The following HOMER1 variants were observed in gnomAD, a reference collection of about 807,000 sequenced individuals.
HOMER1 encodes homer scaffold protein 1.
HOMER1 carries 3 observed loss-of-function variants against 48.9 expected under a neutral mutation model. That is an observed-to-expected ratio of 0.06 (90% CI 0.03 to 0.16). The LOEUF is 0.16. HOMER1 is among the 10% of genes least tolerant of loss of function. The pLI, the probability that HOMER1 is intolerant of heterozygous loss-of-function variation, is 1.00. For synonymous variants in HOMER1, 134 were observed against 146.4 expected (o/e 0.92, Z 0.61); for missense variants, 247 against 411.4 (o/e 0.60, Z 3.46).
intron 1 of HOMER1, among the ~76,000 whole-genome samples, chr5:79,511,370 G>T (rs1752937256): frequency 6.6e-6 from 1 of 152,172 alleles, no homozygotes; most frequent in African/African-American, 2.4e-5. Context: ...CAGAAAGATC[G>T]ACTTGCAGAA....
intron 5 of HOMER1, among the ~76,000 whole-genome samples, chr5:79,434,813 T>C (rs1750529171): frequency 6.6e-6 from 1 of 152,198 alleles, no homozygotes; most frequent in Non-Finnish European, 1.5e-5. Flanking sequence ...TAAAATTTAG[T>C]TCAGCTGTAT....
intron 1 of HOMER1, among the ~76,000 whole-genome samples, chr5:79,493,677 C>T (rs1752349080): frequency 6.6e-6 from 1 of 152,192 alleles, no homozygotes; most frequent in Non-Finnish European, 1.5e-5. Flanking sequence ...TCCATCTGTG[C>T]TCCATATTGC....
Position 79,429,050 on chromosome 5 carries a change from T to C in HOMER1, c.527+9960A>G, listed in dbSNP as rs77815833. On this transcript the variant is annotated intron_variant, in intron 5 of 8. Transcript: ENST00000334082. ...GGATCATACTTCCCAATTTCAAACT[T>C]AACTACAAAGATACATTAATTAAGA... 6.1e-3 allele frequency among the ~76,000 whole-genome samples: 931 copies of C among 152,262 alleles called. 8 individuals are homozygous for C. The highest frequency in any genetic ancestry group is 0.021 in the African/African-American group (865 of 41,550).
intron 1 of HOMER1, among the ~76,000 whole-genome samples, chr5:79,473,742 T>C (rs1442630178): frequency 6.6e-6 from 1 of 152,150 alleles, no homozygotes; most frequent in African/African-American, 2.4e-5. Flanking sequence ...TAATACTAAT[T>C]AGAAAGGTAC....
At position 79,447,046 on chromosome 5, in the gene HOMER1, T is replaced by C; in HGVS notation, c.387+7A>G. 1.3e-6 allele frequency: 2 copies of C among 1,485,062 alleles called. No individual in the cohort carries two copies. The highest frequency in any genetic ancestry group is 1.9e-6 in the Non-Finnish European group (2 of 1,061,978). 92.0% of individuals were successfully genotyped at this position (1,485,062 alleles called of 1,614,324 possible). ...TTCATAATTAAGAATAGAAATGATATACCCACCTGTGAAGGTGTACTGGTA... is the reference window on the plus strand; with the variant it reads ...TTCATAATTAAGAATAGAAATGATACACCCACCTGTGAAGGTGTACTGGTA... On this transcript the variant is annotated splice_region_variant and intron_variant, in intron 4 of 8. Coordinates refer to ENST00000334082, the MANE Select transcript of HOMER1 (RefSeq NM_004272.5).
At chr5:79,455,974 G>A (rs1204977190) in intron 2 of HOMER1, among the ~76,000 whole-genome samples, 1 of 151,938 alleles carries the variant, frequency 6.6e-6, no homozygotes, top group Admixed American at 6.6e-5. Context: ...GGCCAACATG[G>A]TGAAACCCTG....
At chr5:79,453,776 G>C (rs1012545710) in intron 2 of HOMER1, among the ~76,000 whole-genome samples, 7 of 152,136 alleles carry the variant, frequency 4.6e-5, no homozygotes, top group African/African-American at 1.4e-4. Flanking sequence ...CACTAAGTGA[G>C]AACGAGTGCA....
At chr5:79,384,477 T>C (rs1749058699) in intron 8 of HOMER1, among the ~76,000 whole-genome samples, 1 of 152,090 alleles carries the variant, frequency 6.6e-6, no homozygotes, top group Non-Finnish European at 1.5e-5. Flanking sequence ...AACAGACCAA[T>C]AATGAGTAGC....
chr5:79,391,314 G>C (rs955096969), intron 8 of HOMER1, among the ~76,000 whole-genome samples: 1 of 151,562 alleles, frequency 6.6e-6, no homozygotes, highest in Non-Finnish European at 1.5e-5. Flanking sequence ...ATTTTTTGTA[G>C]AGACAAGGTC....
chr5:79,415,526 G>A (rs1416837807), intron 5 of HOMER1, among the ~76,000 whole-genome samples: 1 of 152,068 alleles, frequency 6.6e-6, no homozygotes, highest in South Asian at 2.1e-4. Context: ...TATTACATGT[G>A]TACAAAAGAG....
intron 1 of HOMER1, among the ~76,000 whole-genome samples, chr5:79,469,820 C>T (rs112087514): frequency 9.2e-5 from 14 of 152,122 alleles, no homozygotes; most frequent in African/African-American, 3.1e-4. Context: ...CAGCGTTTCA[C>T]GTAACAAAAA....
chr5:79,380,722 GT>G (rs1292836329), intron 8 of HOMER1, among the ~76,000 whole-genome samples: 1 of 152,088 alleles, frequency 6.6e-6, no homozygotes, highest in African/African-American at 2.4e-5. Flanking sequence ...TAATCGGGGG[GT>G]AGGGGGAGTG....
At chr5:79,501,800 T>C (rs532266533) in intron 1 of HOMER1, among the ~76,000 whole-genome samples, 3 of 152,252 alleles carry the variant, frequency 2.0e-5, no homozygotes, top group African/African-American at 7.2e-5. Flanking sequence ...ACAATTTCCC[T>C]TTGGGCTGCG....
At chr5:79,479,792 C>G (rs1364248610) in intron 1 of HOMER1, among the ~76,000 whole-genome samples, 1 of 150,968 alleles carries the variant, frequency 6.6e-6, no homozygotes, top group Admixed American at 6.6e-5. Flanking sequence ...CTCTCTACCA[C>G]CTAAAATTAT....
At chr5:79,419,204 G>C (rs1383576436) in intron 5 of HOMER1, among the ~76,000 whole-genome samples, 3 of 151,988 alleles carry the variant, frequency 2.0e-5, no homozygotes, top group Non-Finnish European at 4.4e-5. Flanking sequence ...TGCATGCTTT[G>C]CCTATATTTA....
chr5:79,415,759 T>C (rs1425851264), intron 5 of HOMER1, among the ~76,000 whole-genome samples: 1 of 152,228 alleles, frequency 6.6e-6, no homozygotes, highest in African/African-American at 2.4e-5. Flanking sequence ...TATAAATATT[T>C]CTGAGTTTCG....
At chr5:79,411,321 C>T (rs988255459) in intron 5 of HOMER1, among the ~76,000 whole-genome samples, 1 of 151,924 alleles carries the variant, frequency 6.6e-6, no homozygotes, top group Non-Finnish European at 1.5e-5. Flanking sequence ...CCAACTTCTA[C>T]CAAAAATAGA....
In HOMER1 at chr5:79,439,162, G is replaced by A; in HGVS notation, c.388-13C>T. The stretch of plus-strand genomic sequence containing the variant: ...CGCCTGCGGATTCCTTTAAAAAAAG[G>A]GGTGGGGGATAAAAAATAGTTACAC... On this transcript the variant is annotated splice_polypyrimidine_tract_variant and intron_variant, in intron 4 of 8. Transcript: ENST00000334082. 6 of 1,612,998 alleles carry A rather than the reference G, an allele frequency of 3.7e-6. No individual in the cohort carries two copies. Among genetic ancestry groups the A allele is most frequent in the Non-Finnish European group, 5.1e-6 (6 of 1,179,576 alleles).
chr5:79,482,250 T>C (rs1305464807), intron 1 of HOMER1, among the ~76,000 whole-genome samples: 1 of 151,840 alleles, frequency 6.6e-6, no homozygotes, highest in Non-Finnish European at 1.5e-5. Context: ...AATACAAAAA[T>C]AGCACCCAAT....
Sources: gnomAD v4.1 joint callset for allele counts (sites outside exome capture counted in the v4.1 genomes callset) on GRCh38, gnomAD v4.1.1 for gene constraint, MANE v1.5 for transcripts, NCBI Gene and HGNC (gene_info 2026-07-23, HGNC 2026-07-21) for gene names.